The following TENM3 variants were observed in gnomAD, a reference collection of about 807,000 sequenced individuals.
TENM3 encodes teneurin-3.
Under a neutral mutation model 255.1 loss-of-function variants are expected in TENM3, and 63 were observed. The ratio of observed to expected loss-of-function variants is 0.25; its 90% confidence interval spans 0.20 to 0.30. The LOEUF is 0.30. TENM3 is among the 10% of genes least tolerant of loss of function. The probability of loss-of-function intolerance (pLI) is 1.00; values close to 1 mark genes in which losing one functional copy is unlikely to be tolerated. For synonymous variants in TENM3, 1,306 were observed against 1,322.3 expected (o/e 0.99, Z 0.27); for missense variants, 2,929 against 3,461.1 (o/e 0.85, Z 3.86).
At chr4:181,756,266 C>T in the TENM3 span, among the ~76,000 whole-genome samples, 4 of 152,148 alleles carry the variant, frequency 2.6e-5, no homozygotes, top group Admixed American at 1.3e-4. Context: ...TCCCTTCTTG[C>T]CCGGTAGCAT....
At chr4:182,660,885 T>A (rs1483877388) in intron 6 of TENM3, among the ~76,000 whole-genome samples, 1 of 152,122 alleles carries the variant, frequency 6.6e-6, no homozygotes, top group Admixed American at 6.5e-5. Context: ...GTTATTACAG[T>A]GAATTAGAAA....
intron 3 of TENM3, among the ~76,000 whole-genome samples, chr4:182,541,932 G>A (rs548919091): frequency 6.0e-4 from 91 of 151,914 alleles, no homozygotes; most frequent in African/African-American, 2.1e-3. Context: ...GCGTAGTGGC[G>A]CACACCTGTA....
the TENM3 span, among the ~76,000 whole-genome samples, chr4:181,550,699 C>G: frequency 6.6e-6 from 1 of 152,128 alleles, no homozygotes; most frequent in African/African-American, 2.4e-5. Context: ...CTATCCAAGT[C>G]TTTTATATGT....
chr4:182,453,525 A>C (rs28568820), intron 3 of TENM3, among the ~76,000 whole-genome samples: 2,114 of 152,348 alleles, frequency 0.014, 50 homozygotes, highest in African/African-American at 0.049. Context: ...AGGAGGCAGA[A>C]TATATTACAA....
chr4:182,173,282 A>G (rs1752226585), intron 1 of TENM3, among the ~76,000 whole-genome samples: 1 of 152,212 alleles, frequency 6.6e-6, no homozygotes, highest in Non-Finnish European at 1.5e-5. Context: ...TCCCACCTTC[A>G]TGCATCTAAG....
At chr4:182,642,209 A>G (rs13138731) in intron 5 of TENM3, among the ~76,000 whole-genome samples, 52,445 of 152,120 alleles carry the variant, frequency 0.34, 10,549 homozygotes, top group Middle Eastern at 0.46. Flanking sequence ...TGGAGGATGA[A>G]TCCTTCTTTT....
At chr4:182,727,238 T>A (rs1015571216) in intron 13 of TENM3, among the ~76,000 whole-genome samples, 4 of 151,994 alleles carry the variant, frequency 2.6e-5, no homozygotes, top group African/African-American at 9.7e-5. Context: ...GGTGGATCAC[T>A]TGAGGTCTGG....
chr4:182,223,126 G>T (rs980270353), intron 1 of TENM3, among the ~76,000 whole-genome samples: 1 of 152,154 alleles, frequency 6.6e-6, no homozygotes, highest in Non-Finnish European at 1.5e-5. Context: ...AAGAAACTAT[G>T]GTAGGGGAAA....
intron 1 of TENM3, among the ~76,000 whole-genome samples, chr4:182,249,214 C>T (rs944051821): frequency 2.6e-5 from 4 of 152,098 alleles, no homozygotes; most frequent in African/African-American, 7.2e-5. Flanking sequence ...ACCTGGGTCG[C>T]GCAGCCAGAT....
intron 13 of TENM3, among the ~76,000 whole-genome samples, chr4:182,723,530 C>T (rs144940315): frequency 4.6e-5 from 7 of 152,148 alleles, no homozygotes; most frequent in Non-Finnish European, 7.4e-5. Context: ...TTTTGAAAAA[C>T]AAATAACAAT....
At chr4:182,440,175 C>T (rs554094245) in intron 3 of TENM3, among the ~76,000 whole-genome samples, 7 of 140,514 alleles carry the variant, frequency 5.0e-5, no homozygotes, top group South Asian at 2.3e-4. Context: ...TGCAGCCGTG[C>T]GATCTCGGCT....
chr4:181,510,569 T>TA, the TENM3 span, among the ~76,000 whole-genome samples: 103 of 151,870 alleles, frequency 6.8e-4, no homozygotes, highest in South Asian at 3.1e-3. Context: ...ACATTTTTTT[T>TA]AAAAAAAGAA....
At chr4:182,287,955 G>A (rs879322148) in intron 1 of TENM3, among the ~76,000 whole-genome samples, 3 of 146,806 alleles carry the variant, frequency 2.0e-5, no homozygotes, top group Non-Finnish European at 4.5e-5. Flanking sequence ...TGTGTTTTTT[G>A]AGATGGAGTT....
intron 5 of TENM3, among the ~76,000 whole-genome samples, chr4:182,653,177 T>C (rs1053146137): frequency 2.0e-5 from 3 of 152,212 alleles, no homozygotes; most frequent in Admixed American, 6.5e-5. Flanking sequence ...ACCTGACACA[T>C]GTACATGCTT....
chr4:182,765,898 A>G (rs1000744737), intron 22 of TENM3, among the ~76,000 whole-genome samples: 3 of 152,242 alleles, frequency 2.0e-5, no homozygotes, highest in African/African-American at 4.8e-5. Context: ...ACACTTAACA[A>G]AAGTTACCAA....
At chr4:182,629,990 C>T (rs905385070) in intron 5 of TENM3, among the ~76,000 whole-genome samples, 24 of 152,020 alleles carry the variant, frequency 1.6e-4, no homozygotes, top group African/African-American at 5.8e-4. Context: ...GTATTTTTTC[C>T]AATTTTTTGA....
chr4:181,765,780 C>T, the TENM3 span, among the ~76,000 whole-genome samples: 1 of 152,168 alleles, frequency 6.6e-6, no homozygotes, highest in Non-Finnish European at 1.5e-5. Flanking sequence ...AGTACAGCTG[C>T]AATCTTGGAG....
chr4:181,494,859 C>T, the TENM3 span, among the ~76,000 whole-genome samples: 1 of 152,148 alleles, frequency 6.6e-6, no homozygotes, highest in Non-Finnish European at 1.5e-5. Flanking sequence ...TCCCCTTCAT[C>T]TTCAAGATGT....
At chr4:182,084,684 T>G in the TENM3 span, among the ~76,000 whole-genome samples, 1 of 152,300 alleles carries the variant, frequency 6.6e-6, no homozygotes, top group East Asian at 1.9e-4. Context: ...ATGCTGACTA[T>G]CATTAAAAAA....
Sources: gnomAD v4.1 joint callset for allele counts (sites outside exome capture counted in the v4.1 genomes callset) on GRCh38, gnomAD v4.1.1 for gene constraint, MANE v1.5 for transcripts, NCBI Gene and HGNC (gene_info 2026-07-23, HGNC 2026-07-21) for gene names.